The following KHDRBS2 variants were observed in gnomAD, a reference collection of about 807,000 sequenced individuals.
The protein encoded by KHDRBS2 is KH domain-containing, RNA-binding, signal transduction-associated protein 2.
A neutral mutation model predicts 44.3 loss-of-function variants in KHDRBS2; 26 were observed. The observed-to-expected ratio is 0.59, with a 90% CI of 0.43 to 0.81. KHDRBS2 has a LOEUF of 0.81. Ranked by LOEUF, KHDRBS2 falls within the 40% of genes least tolerant of loss-of-function variation. The pLI is 0.00. For synonymous variants in KHDRBS2, 194 were observed against 151.1 expected (o/e 1.28, Z -2.08); for missense variants, 476 against 433.1 (o/e 1.10, Z -0.88).
intron 2 of KHDRBS2, among the ~76,000 whole-genome samples, chr6:62,151,114 A>C (rs1333807694): frequency 6.6e-6 from 1 of 152,176 alleles, no homozygotes; most frequent in Non-Finnish European, 1.5e-5. Flanking sequence ...AGAACCGTCA[A>C]ATTCTGGCTT....
At position 62,206,351 on chromosome 6, in the gene KHDRBS2, G is replaced by A. The variant is rs77710555; in HGVS notation, c.92-29039C>T. Among the ~76,000 whole-genome samples, 550 of 152,058 alleles carry A rather than the reference G, an allele frequency of 3.6e-3. 1 individual carries two copies. The highest frequency in any genetic ancestry group is 0.013 in the African/African-American group (526 of 41,520). ...CTAACTGTGTAGCTTTTCTCAAAACGTTCTTTGGTAAAAAGAAACTGAAAC... is the reference window on the plus strand; with the variant it reads ...CTAACTGTGTAGCTTTTCTCAAAACATTCTTTGGTAAAAAGAAACTGAAAC... On this transcript the variant is annotated intron_variant, in intron 1 of 8. Transcript: ENST00000281156.
intron 2 of KHDRBS2, among the ~76,000 whole-genome samples, chr6:62,123,974 A>T (rs1808340317): frequency 6.6e-6 from 1 of 152,188 alleles, no homozygotes; most frequent in South Asian, 2.1e-4. Context: ...TATTACACTG[A>T]TTCATTGATT....
intron 3 of KHDRBS2, among the ~76,000 whole-genome samples, chr6:62,038,364 G>A (rs1201413110): frequency 2.6e-5 from 4 of 151,074 alleles, no homozygotes. Flanking sequence ...GCTCCGTTTA[G>A]TGTCATTAAC....
chr6:62,193,652 C>A (rs1825050641), intron 1 of KHDRBS2, among the ~76,000 whole-genome samples: 1 of 152,084 alleles, frequency 6.6e-6, no homozygotes, highest in Admixed American at 6.6e-5. Flanking sequence ...TGAAAAACTG[C>A]TAAAATGTTT....
chr6:61,965,608 G>T (rs1056115211), intron 4 of KHDRBS2, among the ~76,000 whole-genome samples: 1 of 151,854 alleles, frequency 6.6e-6, no homozygotes, highest in African/African-American at 2.4e-5. Context: ...AGTCACTCTG[G>T]TTACCAATAT....
the KHDRBS2 span, among the ~76,000 whole-genome samples, chr6:61,555,430 T>C: frequency 6.6e-6 from 1 of 152,242 alleles, no homozygotes; most frequent in Non-Finnish European, 1.5e-5. Context: ...TTCTTTAGAA[T>C]CCATGGATTG....
intron 6 of KHDRBS2, among the ~76,000 whole-genome samples, chr6:61,892,484 C>T (rs919587202): frequency 2.2e-4 from 34 of 152,160 alleles, no homozygotes; most frequent in Non-Finnish European, 1.0e-4. Flanking sequence ...ATGCATCATG[C>T]TACCTGACTT....
the KHDRBS2 span, among the ~76,000 whole-genome samples, chr6:61,661,056 A>C: frequency 5.0e-3 from 758 of 151,990 alleles, 6 homozygotes; most frequent in African/African-American, 0.017. Flanking sequence ...AATTGTGTGC[A>C]TATGAAAGTC....
chr6:61,851,983 A>G (rs1260991323), intron 6 of KHDRBS2, among the ~76,000 whole-genome samples: 3 of 152,222 alleles, frequency 2.0e-5, no homozygotes, highest in Non-Finnish European at 4.4e-5. Context: ...GCACTTTGGG[A>G]GGCCGAGGCA....
the KHDRBS2 span, among the ~76,000 whole-genome samples, chr6:61,600,595 C>G: frequency 6.6e-6 from 1 of 152,162 alleles, no homozygotes; most frequent in Non-Finnish European, 1.5e-5. Context: ...ACTGCTCACA[C>G]AAAGCCTGTT....
the KHDRBS2 span, among the ~76,000 whole-genome samples, chr6:61,602,650 G>A: frequency 1.1e-4 from 16 of 152,180 alleles, no homozygotes; most frequent in East Asian, 2.7e-3. Flanking sequence ...TCACAGTGGA[G>A]GGTAAGTCCG....
At chr6:61,886,145 TC>T (rs1047234482) in intron 6 of KHDRBS2, among the ~76,000 whole-genome samples, 1 of 152,082 alleles carries the variant, frequency 6.6e-6, no homozygotes, top group Admixed American at 6.6e-5. Flanking sequence ...ATTATAAAAT[TC>T]CCCAAAACCT....
chr6:61,928,373 A>G (rs1809371059), intron 4 of KHDRBS2, among the ~76,000 whole-genome samples: 1 of 152,092 alleles, frequency 6.6e-6, no homozygotes, highest in Non-Finnish European at 1.5e-5. Flanking sequence ...CAACTTTCCA[A>G]TCCTCAGAGG....
chr6:62,128,738 T>A (rs922773148), intron 2 of KHDRBS2, among the ~76,000 whole-genome samples: 1 of 152,002 alleles, frequency 6.6e-6, no homozygotes, highest in Non-Finnish European at 1.5e-5. Context: ...TAGATGTTTA[T>A]AAGCAGCACA....
the KHDRBS2 span, among the ~76,000 whole-genome samples, chr6:61,584,060 CT>C: frequency 6.6e-6 from 1 of 151,518 alleles, no homozygotes; most frequent in African/African-American, 2.4e-5. Flanking sequence ...TCTTTGTATC[CT>C]GTGTCATTGC....
At chr6:61,787,582 A>AT (rs1204190728) in intron 6 of KHDRBS2, among the ~76,000 whole-genome samples, 1 of 151,442 alleles carries the variant, frequency 6.6e-6, no homozygotes, top group Non-Finnish European at 1.5e-5. Flanking sequence ...TTCCTCATTA[A>AT]TTTTTTTGTT....
the KHDRBS2 span, among the ~76,000 whole-genome samples, chr6:61,605,987 C>T: frequency 1.3e-5 from 2 of 152,066 alleles, no homozygotes; most frequent in Admixed American, 6.6e-5. Flanking sequence ...ATGGCCGGTC[C>T]CTGCCTTAAA....
Position 62,022,494 on chromosome 6 carries a change from A to C in KHDRBS2, c.336+25384T>G, listed in dbSNP as rs530402761. Among the ~76,000 whole-genome samples, 6 of 151,874 alleles carry C rather than the reference A, an allele frequency of 4.0e-5. 1 individual carries two copies. The South Asian group carries it at 1.2e-3, about 32-fold the overall frequency. Reference sequence around the variant, plus strand: ...ACTGTATTGGCCATCTTACTAGGTGAAGAAATTCTGGGCAAATTATTTGTG... The same window carrying C: ...ACTGTATTGGCCATCTTACTAGGTGCAGAAATTCTGGGCAAATTATTTGTG... On this transcript the variant is annotated intron_variant, in intron 3 of 8. Transcript: ENST00000281156.
intron 1 of KHDRBS2, among the ~76,000 whole-genome samples, chr6:62,224,316 T>C (rs1329426372): frequency 1.3e-5 from 2 of 152,166 alleles, no homozygotes; most frequent in African/African-American, 4.8e-5. Flanking sequence ...GCCTCCATGA[T>C]TGAAATCATC....
Sources: gnomAD v4.1 joint callset for allele counts (sites outside exome capture counted in the v4.1 genomes callset) on GRCh38, gnomAD v4.1.1 for gene constraint, MANE v1.5 for transcripts, NCBI Gene and HGNC (gene_info 2026-07-23, HGNC 2026-07-21) for gene names.